RALGPS1: variants seen among roughly 807,000 people sequenced by gnomAD.
RALGPS1 encodes Ral GEF with PH domain and SH3 binding motif 1.
RALGPS1 carries 19 observed loss-of-function variants against 78.8 expected under a neutral mutation model. The observed-to-expected ratio is 0.24, with a 90% confidence interval of 0.17 to 0.35. RALGPS1 has a LOEUF of 0.35. RALGPS1 is among the 10% of genes least tolerant of loss of function. The pLI is 1.00. For missense variants in RALGPS1, 454 were observed against 688.3 expected (o/e 0.66, Z 3.81); for synonymous variants, 228 against 256.3 (o/e 0.89, Z 1.06).
At chr9:127,109,062 G>A (rs770825972) in intron 8 of RALGPS1, among the ~76,000 whole-genome samples, 6 of 152,170 alleles carry the variant, frequency 3.9e-5, no homozygotes, top group Non-Finnish European at 7.4e-5. Flanking sequence ...TCCAATGCCC[G>A]CAGCCCCCTT....
chr9:127,126,189 T>G (rs748878802), intron 8 of RALGPS1, among the ~76,000 whole-genome samples: 3 of 152,048 alleles, frequency 2.0e-5, no homozygotes, highest in Non-Finnish European at 2.9e-5. Flanking sequence ...TTTTTAAATG[T>G]CTTTCTGTTG....
At chr9:127,053,053 T>TTA in intron 7 of RALGPS1, 114 bp downstream of exon 7, 1 of 757,822 alleles carries the variant, frequency 1.3e-6, no homozygotes, top group Non-Finnish European at 2.3e-6. Context: ...AACAACAGAG[T>TTA]TACTATGAGT....
chr9:126,965,743 C>G (rs770240507), intron 2 of RALGPS1, 101 bp from the exon 3 acceptor site: 14 of 841,898 alleles, frequency 1.7e-5, no homozygotes, highest in Non-Finnish European at 2.7e-5. Flanking sequence ...TTTTATTGTA[C>G]TATTCCATTG....
intron 6 of RALGPS1, among the ~76,000 whole-genome samples, chr9:127,051,309 C>A (rs2048291193): frequency 6.6e-6 from 1 of 152,176 alleles, no homozygotes; most frequent in Non-Finnish European, 1.5e-5. Flanking sequence ...CCATGGAATT[C>A]AAAATGATCC....
intron 11 of RALGPS1, among the ~76,000 whole-genome samples, chr9:127,184,492 C>G (rs1402922184): frequency 6.6e-6 from 1 of 152,188 alleles, no homozygotes; most frequent in Non-Finnish European, 1.5e-5. Context: ...AGGGTTTCAA[C>G]ACAGACTTTC....
chr9:126,972,845 C>T (rs927180775), intron 3 of RALGPS1, among the ~76,000 whole-genome samples: 5 of 152,068 alleles, frequency 3.3e-5, no homozygotes, highest in Admixed American at 2.6e-4. Flanking sequence ...GGGCGGATCA[C>T]AAGGTCAGGA....
In RALGPS1 at chr9:127,199,075, G is replaced by A. The variant is rs777328344; in HGVS notation, c.1247+9G>A. The A allele has an allele frequency of 2.5e-6, 4 of 1,613,266 alleles. No individual in the cohort carries two copies. The highest frequency in any genetic ancestry group is 3.4e-6 in the Non-Finnish European group (4 of 1,179,306). ...TCTTCAGGGCTGGAAAGGTGAGTGT[G>A]GCCTCAGCATGGCCTCCCTCCCAGG... On this transcript the variant is annotated intron_variant, in intron 14 of 18. Transcript: ENST00000259351.
rs759129382 is a variant in RALGPS1, at chr9:127,195,171, A to C, written c.991A>C (p.Thr331Pro). Residue 331 changes from threonine (T) to proline (P), a missense_variant, in exon 12 of 19, where the codon ACA becomes CCA. Thr to Pro is a conservative substitution (Grantham distance 38). Transcript: ENST00000259351. ...PDTSVAGSLP[T>P]PPVPRHRKSH... ...CACATCTGTTGCTGGCAGCCTCCCC[A>C]CACCTCCAGTCCCCAGACACAGGAA... The C allele has an allele frequency of 6.2e-7, 1 of 1,612,656 alleles. No individual in the cohort carries two copies. The highest frequency in any genetic ancestry group is 8.5e-7 in the Non-Finnish European group (1 of 1,179,972).
chr9:127,188,659 A>G (rs1298200949), intron 11 of RALGPS1, among the ~76,000 whole-genome samples: 2 of 151,814 alleles, frequency 1.3e-5, no homozygotes, highest in Non-Finnish European at 2.9e-5. Context: ...AGACTGGCTG[A>G]CTTCAACCAA....
intron 5 of RALGPS1, among the ~76,000 whole-genome samples, chr9:127,047,798 T>C (rs902109761): frequency 9.2e-5 from 14 of 152,338 alleles, no homozygotes; most frequent in African/African-American, 2.4e-4. Flanking sequence ...TTTGTACTTA[T>C]CTCTTACGAC....
intron 4 of RALGPS1, among the ~76,000 whole-genome samples, chr9:126,998,035 A>G (rs1321105924): frequency 3.3e-5 from 5 of 152,364 alleles, no homozygotes; most frequent in African/African-American, 1.2e-4. Flanking sequence ...TGGATTAAAG[A>G]CTTAAATGTT....
At chr9:127,005,544 GGCCTTGAGTCACT>G (rs1416648604) in intron 4 of RALGPS1, among the ~76,000 whole-genome samples, 1 of 152,170 alleles carries the variant, frequency 6.6e-6, no homozygotes, top group Non-Finnish European at 1.5e-5. Context: ...ATCAGAGCCA[GGCCTTGAGTCACT>G]GCCTTCTCAG....
At chr9:127,065,554 T>G (rs1479999177) in intron 7 of RALGPS1, among the ~76,000 whole-genome samples, 2 of 152,188 alleles carry the variant, frequency 1.3e-5, no homozygotes, top group East Asian at 1.9e-4. Context: ...CTTAAAAAAC[T>G]TTTTCTTATC....
intron 8 of RALGPS1, among the ~76,000 whole-genome samples, chr9:127,119,736 C>T (rs1408919940): frequency 1.3e-5 from 2 of 152,154 alleles, no homozygotes; most frequent in Non-Finnish European, 2.9e-5. Context: ...CATGTAGTCC[C>T]CTGCTGGACC....
rs761738566 is a variant in RALGPS1, at chr9:127,195,265, C to A, written c.1037+48C>A. ...CCGCCGGGCTTCAGACCGTCCTGCA[C>A]ATGGGCCTGGGCACAGTGCAGGGAA... On this transcript the variant is annotated intron_variant, in intron 12 of 18. Transcript: ENST00000259351. The A allele has an allele frequency of 5.0e-6, 8 of 1,596,976 alleles. No individual in the cohort carries two copies. The African/African-American group carries it at 1.1e-4, about 21-fold the overall frequency.
chr9:127,148,153 G>A (rs926131704), intron 8 of RALGPS1, among the ~76,000 whole-genome samples: 1 of 152,236 alleles, frequency 6.6e-6, no homozygotes, highest in African/African-American at 2.4e-5. Flanking sequence ...AGGCAGCACA[G>A]TATCTGTGGA....
intron 8 of RALGPS1, among the ~76,000 whole-genome samples, chr9:127,074,961 C>T (rs1410273735): frequency 2.6e-5 from 4 of 152,246 alleles, no homozygotes; most frequent in Non-Finnish European, 5.9e-5. Context: ...ATTATTGCTC[C>T]TGTTTCTTGT....
At chr9:127,057,781 G>GT (rs2135532328) in intron 7 of RALGPS1, among the ~76,000 whole-genome samples, 1 of 152,336 alleles carries the variant, frequency 6.6e-6, no homozygotes, top group Non-Finnish European at 1.5e-5. Flanking sequence ...TGAAGCCATA[G>GT]TCAAGGCCCC....
intron 8 of RALGPS1, among the ~76,000 whole-genome samples, chr9:127,156,837 T>C (rs554932006): frequency 2.0e-5 from 3 of 152,246 alleles, no homozygotes; most frequent in African/African-American, 4.8e-5. Context: ...TCTTCTGTAT[T>C]TTATTCAAGT....
Sources: gnomAD v4.1 joint callset for allele counts (sites outside exome capture counted in the v4.1 genomes callset) on GRCh38, gnomAD v4.1.1 for gene constraint, MANE v1.5 for transcripts, NCBI Gene and HGNC (gene_info 2026-07-23, HGNC 2026-07-21) for gene names.